The following ANTXR2 variants were observed in gnomAD, a reference collection of about 807,000 sequenced individuals.
The protein encoded by ANTXR2 is ANTXR cell adhesion molecule 2, also known as anthrax toxin receptor 2.
In ANTXR2, 44 loss-of-function variants were observed where a neutral mutation model predicts 73.7. The observed-to-expected ratio is 0.60, with a 90% CI of 0.47 to 0.77. The LOEUF (loss-of-function observed/expected upper bound fraction) is 0.77. Among genes scored for constraint, ANTXR2 ranks in the 30% least tolerant of loss-of-function variants. The pLI is 0.00. For synonymous variants in ANTXR2, 217 were observed against 205.9 expected (o/e 1.05, Z -0.46); for missense variants, 604 against 592.5 (o/e 1.02, Z -0.20).
chr4:79,995,977 T>C (rs895714713), intron 12 of ANTXR2, among the ~76,000 whole-genome samples: 1 of 152,002 alleles, frequency 6.6e-6, no homozygotes, highest in African/African-American at 2.4e-5. Flanking sequence ...CCACCCTTTA[T>C]TGGTGCTGCC....
intron 16 of ANTXR2, among the ~76,000 whole-genome samples, chr4:79,975,453 T>C (rs1030210228): frequency 1.3e-5 from 2 of 152,174 alleles, no homozygotes; most frequent in African/African-American, 4.8e-5. Flanking sequence ...TTAATAGGAA[T>C]AATGAAAGAC....
chr4:79,950,117 AATTAAAT>A (rs1386136223), intron 16 of ANTXR2, among the ~76,000 whole-genome samples: 2 of 147,444 alleles, frequency 1.4e-5, no homozygotes, highest in East Asian at 7.0e-4. Flanking sequence ...ACTTCTTTTA[AATTAAAT>A]AGTCATCCTA....
intron 16 of ANTXR2, among the ~76,000 whole-genome samples, chr4:79,929,685 A>C (rs1727983522): frequency 6.6e-6 from 1 of 152,184 alleles, no homozygotes; most frequent in Admixed American, 6.5e-5. Context: ...CTAACAGAAC[A>C]ATACTGTTGT....
chr4:80,063,360 C>G lies in ANTXR2; in HGVS notation c.296+6076G>C, dbSNP rs1326627898. On this transcript the variant is annotated intron_variant, in intron 3 of 16. Coordinates refer to ENST00000403729, the MANE Select transcript of ANTXR2 (RefSeq NM_058172.6). ...CTCCATAGTAATGGTTGAATATGCT[C>G]TATTCCTGAATGCTTCTTGTTTCCA... Among the ~76,000 whole-genome samples the G allele has an allele frequency of 2.6e-5, 4 of 152,196 alleles. No homozygotes were observed. The East Asian group carries it at 5.8e-4, about 22-fold the overall frequency.
At chr4:79,987,219 T>G (rs987920024) in intron 12 of ANTXR2, among the ~76,000 whole-genome samples, 5 of 140,184 alleles carry the variant, frequency 3.6e-5, no homozygotes, top group African/African-American at 1.3e-4. Context: ...TGAAACCCAA[T>G]CCAAGGAAAC....
intron 16 of ANTXR2, among the ~76,000 whole-genome samples, chr4:79,963,681 T>C (rs373694742): frequency 7.0e-4 from 107 of 152,298 alleles, no homozygotes; most frequent in African/African-American, 2.5e-3. Context: ...AATGATAATA[T>C]TTTACGTTAC....
rs530752769 is a variant in ANTXR2, at chr4:79,989,579, C to T, written c.1042-4716G>A. Among the ~76,000 whole-genome samples, 239 of 152,200 alleles carry T rather than the reference C, an allele frequency of 1.6e-3. 1 individual carries two copies. Among genetic ancestry groups the T allele is most frequent in the African/African-American group, 5.4e-3 (225 of 41,560 alleles). ...TAGAGAAGACCTGGTACCAATCCTACTGAAACTATTCCAAAAAGTTGAGGA... is the reference window on the plus strand; with the variant it reads ...TAGAGAAGACCTGGTACCAATCCTATTGAAACTATTCCAAAAAGTTGAGGA... On this transcript the variant is annotated intron_variant, in intron 12 of 16. Transcript: ENST00000403729.
chr4:80,063,582 C>T (rs1468319410), intron 3 of ANTXR2, among the ~76,000 whole-genome samples: 1 of 152,006 alleles, frequency 6.6e-6, no homozygotes, highest in African/African-American at 2.4e-5. Context: ...CTCTAGACTT[C>T]TTTTCTTGCA....
chr4:79,932,792 C>CAAAAAAAAAAAA (rs57359650), intron 16 of ANTXR2, among the ~76,000 whole-genome samples: 1 of 52,368 alleles, frequency 1.9e-5, no homozygotes, highest in Non-Finnish European at 3.2e-5. Context: ...AACTCCATCT[C>CAAAAAAAAAAAA]AAAAAAAAAA....
At chr4:80,072,270 G>A (rs1734829056) in intron 1 of ANTXR2, 139 bp downstream of exon 1, 24 of 1,000,956 alleles carry the variant, frequency 2.4e-5, no homozygotes, top group Non-Finnish European at 3.3e-5. Flanking sequence ...CTTGCCCTTT[G>A]AAAGAAGACA....
chr4:80,057,900 A>T (rs1022081207), intron 3 of ANTXR2, among the ~76,000 whole-genome samples: 6 of 152,052 alleles, frequency 3.9e-5, no homozygotes, highest in African/African-American at 7.2e-5. Context: ...AATATATCAT[A>T]AAAAAATTAT....
intron 8 of ANTXR2, among the ~76,000 whole-genome samples, chr4:80,035,708 A>G (rs770857802): frequency 4.6e-5 from 7 of 152,202 alleles, no homozygotes; most frequent in Non-Finnish European, 1.0e-4. Flanking sequence ...GCCATAGGAA[A>G]GGTCTCAAGC....
At chr4:79,913,868 T>A (rs1193542277) in intron 16 of ANTXR2, among the ~76,000 whole-genome samples, 1 of 152,160 alleles carries the variant, frequency 6.6e-6, no homozygotes, top group Admixed American at 6.6e-5. Flanking sequence ...TCCACTCTTA[T>A]CTATCTTTTA....
rs373279887 is a variant in ANTXR2, at chr4:79,935,507, C to T, written c.1429-28040G>A. On this transcript the variant is annotated intron_variant, in intron 16 of 16. Coordinates refer to ENST00000403729, the MANE Select transcript of ANTXR2 (RefSeq NM_058172.6). ...ATCAAAAGAGGAGCTCAAAGGCCAG[C>T]TGAACTGGAAAAAAAAAAGGGAGCC... is the stretch of plus-strand genomic sequence containing the variant. 8.6e-3 allele frequency among the ~76,000 whole-genome samples: 819 copies of T among 95,362 alleles called. 10 individuals carry two copies. The highest frequency in any genetic ancestry group is 0.021 in the African/African-American group (777 of 36,796). 62.6% of individuals were successfully genotyped at this position (95,362 alleles called of 152,430 possible).
At chr4:79,914,982 T>C (rs1423195126) in intron 16 of ANTXR2, among the ~76,000 whole-genome samples, 1 of 152,044 alleles carries the variant, frequency 6.6e-6, no homozygotes, top group African/African-American at 2.4e-5. Flanking sequence ...GAAACAAAAG[T>C]CTGGTCATAA....
At chr4:80,022,107 T>C (rs113112589) in intron 10 of ANTXR2, among the ~76,000 whole-genome samples, 2,550 of 152,314 alleles carry the variant, frequency 0.017, 78 homozygotes, top group African/African-American at 0.057. Flanking sequence ...CTTTCACTTC[T>C]ACAACATACT....
intron 14 of ANTXR2, 96 bp from the exon 15 acceptor site, chr4:79,978,270 G>A: frequency 2.5e-6 from 3 of 1,194,982 alleles, no homozygotes; most frequent in Non-Finnish European, 3.3e-6. Context: ...ACATCTCAGA[G>A]TGAAAAAGAA....
chr4:79,950,795 T>C (rs1207351302), intron 16 of ANTXR2, among the ~76,000 whole-genome samples: 1 of 152,174 alleles, frequency 6.6e-6, no homozygotes, highest in Non-Finnish European at 1.5e-5. Context: ...CCAAATCCAG[T>C]ATTTCTAACT....
chr4:80,004,010 T>C (rs1450848689), intron 12 of ANTXR2, among the ~76,000 whole-genome samples: 1 of 152,092 alleles, frequency 6.6e-6, no homozygotes, highest in Non-Finnish European at 1.5e-5. Flanking sequence ...ACAACCTAAA[T>C]GTTTTTCAAC....
Sources: allele counts gnomAD v4.1 joint callset (sites outside exome capture counted in the v4.1 genomes callset), GRCh38; gene constraint gnomAD v4.1.1; transcripts MANE v1.5; gene names NCBI Gene and HGNC (gene_info 2026-07-23, HGNC 2026-07-21).